ARMC2: variants seen among roughly 807,000 people sequenced by gnomAD.
ARMC2 encodes the protein armadillo repeat containing 2.
In ARMC2, 67 loss-of-function variants were observed where a neutral mutation model predicts 90.3. That is an observed-to-expected ratio of 0.74 (90% CI 0.61 to 0.91). The LOEUF is 0.91. Ranked by LOEUF, ARMC2 falls within the 40% of genes least tolerant of loss-of-function variation. The pLI is 0.00. For missense variants in ARMC2, 920 were observed against 1,030.9 expected (o/e 0.89, Z 1.47); for synonymous variants, 393 against 393.0 (o/e 1.00, Z 0.00).
chr6:109,012,539 C>T, the ARMC2 span, among the ~76,000 whole-genome samples: 1 of 152,058 alleles, frequency 6.6e-6, no homozygotes. Context: ...TAACAGAGAA[C>T]TATGAAATAT....
the ARMC2 span, among the ~76,000 whole-genome samples, chr6:109,030,788 A>G: frequency 3.9e-5 from 6 of 152,302 alleles, no homozygotes; most frequent in Non-Finnish European, 8.8e-5. Flanking sequence ...GACTTGTACA[A>G]CTTCTTACAA....
At chr6:108,851,159 T>G (rs1243723725) in intron 1 of ARMC2, among the ~76,000 whole-genome samples, 1 of 152,126 alleles carries the variant, frequency 6.6e-6, no homozygotes, top group African/African-American at 2.4e-5. Context: ...CAGAGTTCCC[T>G]CTTGTCCACA....
chr6:108,939,207 G>A (rs1332735893), intron 12 of ARMC2, among the ~76,000 whole-genome samples: 1 of 152,132 alleles, frequency 6.6e-6, no homozygotes, highest in Non-Finnish European at 1.5e-5. Flanking sequence ...TATCTGAAAA[G>A]CAAAACTCAT....
At chr6:108,968,887 T>G (rs1228027690) in intron 17 of ARMC2, among the ~76,000 whole-genome samples, 1 of 152,162 alleles carries the variant, frequency 6.6e-6, no homozygotes, top group African/African-American at 2.4e-5. Context: ...GTTGGAATGT[T>G]GACAGTCTTT....
At chr6:108,877,356 C>T (rs770505944) in intron 5 of ARMC2, among the ~76,000 whole-genome samples, 1 of 152,196 alleles carries the variant, frequency 6.6e-6, no homozygotes, top group Non-Finnish European at 1.5e-5. Flanking sequence ...CCGACCTTGT[C>T]TGCTGACACA....
intron 4 of ARMC2, 26 bp from the exon 5 acceptor site, chr6:108,876,117 A>G: frequency 6.4e-7 from 1 of 1,552,178 alleles, no homozygotes; most frequent in South Asian, 1.2e-5. Flanking sequence ...ATACTTCAAC[A>G]AAATATTTTC....
the ARMC2 span, chr6:108,988,219 T>G: frequency 5.2e-6 from 1 of 191,142 alleles, no homozygotes; most frequent in Non-Finnish European, 1.1e-5. Context: ...CAAATCATTA[T>G]TCAGTAATTT....
downstream of ARMC2, among the ~76,000 whole-genome samples, chr6:108,978,156 ACACACTGC>A (rs1779021516): frequency 6.6e-6 from 1 of 152,146 alleles, no homozygotes. Flanking sequence ...ATTTTCCTCT[ACACACTGC>A]TTTAAATATG....
downstream of ARMC2, among the ~76,000 whole-genome samples, chr6:108,978,822 CT>C (rs375168964): frequency 0.1 from 15,184 of 146,914 alleles, 886 homozygotes; most frequent in Middle Eastern, 0.2. Flanking sequence ...GCAACCCCTG[CT>C]TTTTTTTTTT....
chr6:108,936,300 A>G (rs1222622964), intron 11 of ARMC2, among the ~76,000 whole-genome samples: 1 of 152,146 alleles, frequency 6.6e-6, no homozygotes, highest in East Asian at 1.9e-4. Flanking sequence ...CCCATTGCCC[A>G]GTCTGGAGTG....
At chr6:108,998,183 C>G in the ARMC2 span, among the ~76,000 whole-genome samples, 1 of 152,164 alleles carries the variant, frequency 6.6e-6, no homozygotes, top group Non-Finnish European at 1.5e-5. Flanking sequence ...TATTTTCAGC[C>G]TTCCCTCATG....
At chr6:108,905,907 A>T (rs1382960774) in intron 8 of ARMC2, among the ~76,000 whole-genome samples, 1 of 152,210 alleles carries the variant, frequency 6.6e-6, no homozygotes, top group African/African-American at 2.4e-5. Context: ...CCAACTTCCC[A>T]TCTACTGCCT....
intron 8 of ARMC2, among the ~76,000 whole-genome samples, chr6:108,908,540 G>A (rs1046917876): frequency 2.0e-5 from 3 of 152,214 alleles, no homozygotes; most frequent in Non-Finnish European, 4.4e-5. Context: ...TGGGAGGATT[G>A]TTTGAGCCTG....
At chr6:108,941,488 A>G (rs1776434238) in intron 12 of ARMC2, among the ~76,000 whole-genome samples, 1 of 152,218 alleles carries the variant, frequency 6.6e-6, no homozygotes, top group Non-Finnish European at 1.5e-5. Context: ...GGCATTGTTT[A>G]ATGACCCAAT....
At chr6:108,981,207 T>C in the ARMC2 span, among the ~76,000 whole-genome samples, 2 of 152,194 alleles carry the variant, frequency 1.3e-5, no homozygotes, top group Non-Finnish European at 2.9e-5. Flanking sequence ...TATTTATGAC[T>C]AATATATAGT....
the ARMC2 span, among the ~76,000 whole-genome samples, chr6:109,022,955 G>C: frequency 2.0e-5 from 3 of 152,060 alleles, no homozygotes; most frequent in African/African-American, 7.2e-5. Context: ...CCATCAGAAA[G>C]AGGCCAAGGG....
the ARMC2 span, chr6:109,001,212 G>T: frequency 8.1e-7 from 1 of 1,227,826 alleles, no homozygotes; most frequent in Non-Finnish European, 1.2e-6. Flanking sequence ...TTATCCCTGT[G>T]TTTAAAGCAT....
the ARMC2 span, chr6:109,001,566 C>CT: frequency 2.4e-5 from 30 of 1,226,184 alleles, no homozygotes; most frequent in Admixed American, 3.0e-4. Flanking sequence ...GCGCTACACT[C>CT]TAAGTATCAT....
At chr6:109,002,406 G>A in the ARMC2 span, 1 of 1,313,876 alleles carries the variant, frequency 7.6e-7, no homozygotes, top group East Asian at 2.3e-5. Flanking sequence ...TGAGGCTAAA[G>A]GAATGGGAGG....
Sources: allele counts gnomAD v4.1 joint callset (sites outside exome capture counted in the v4.1 genomes callset), GRCh38; gene constraint gnomAD v4.1.1; transcripts MANE v1.5; gene names NCBI Gene and HGNC (gene_info 2026-07-23, HGNC 2026-07-21).